MBTPS2: variants seen among roughly 807,000 people sequenced by gnomAD.
MBTPS2 encodes the protein membrane-bound transcription factor site-2 protease.
MBTPS2 carries 2 observed loss-of-function variants against 35.4 expected under a neutral mutation model. The observed-to-expected ratio is 0.06, with a 90% CI of 0.02 to 0.18. MBTPS2 has a LOEUF of 0.18. MBTPS2 is among the 10% of genes least tolerant of loss of function. The pLI, the probability that MBTPS2 is intolerant of heterozygous loss-of-function variation, is 1.00. For synonymous variants in MBTPS2, 125 were observed against 140.4 expected (o/e 0.89, Z 0.77); for missense variants, 244 against 386.5 (o/e 0.63, Z 3.09).
In MBTPS2 at chrX:21,869,486, C is replaced by T. The variant is rs1365141109; in HGVS notation, c.790-12C>T. The T allele has an allele frequency of 1.7e-6, 2 of 1,198,987 alleles. No homozygotes were observed. The highest frequency in any genetic ancestry group is 3.5e-5 in the African/African-American group (2 of 56,848). On this transcript the variant is annotated splice_polypyrimidine_tract_variant and intron_variant, in intron 6 of 10. Transcript: ENST00000379484. ...CATGCATTATCTGATTTGGTTTTAC[C>T]CTCTTCCCAAGGACTCTCCTGCCAT... is the stretch of plus-strand genomic sequence containing the variant.
intron 9 of MBTPS2, 53 bp downstream of exon 9, chrX:21,878,745 T>G: frequency 1.2e-6 from 1 of 820,074 alleles, no homozygotes; most frequent in Non-Finnish European, 1.9e-6. Context: ...ACATATAGTC[T>G]CAGTGGTAGA....
chrX:21,874,543 C>T (rs142598262), intron 7 of MBTPS2, among the ~76,000 whole-genome samples: 3,476 of 111,826 alleles, frequency 0.031, 141 homozygotes, highest in African/African-American at 0.11. Flanking sequence ...AATCTCTTCT[C>T]TCCAGCTTTA....
intron 3 of MBTPS2, among the ~76,000 whole-genome samples, chrX:21,847,286 C>T (rs1489831390): frequency 1.8e-5 from 2 of 111,915 alleles, no homozygotes; most frequent in Non-Finnish European, 3.8e-5. Context: ...TGCTTTGGAA[C>T]CATTAAGAAG....
chrX:21,851,627 C>T lies in MBTPS2; in HGVS notation c.542+15C>T, dbSNP rs759238207. On this transcript the variant is annotated intron_variant, in intron 4 of 10. Transcript: ENST00000379484. ...GCAGCTATTAGGTAATGATATTTAC[C>T]TTTTTCTTTGTACTACATGCAAAAA... 3 of 1,070,650 alleles carry T rather than the reference C, an allele frequency of 2.8e-6. No homozygotes were observed. Among genetic ancestry groups the T allele is most frequent in the South Asian group, 1.9e-5 (1 of 53,935 alleles). The allele number at this position is 1,070,650 out of a possible 1,213,427, so 88.2% of individuals were successfully genotyped here. A position where few individuals can be genotyped will look rare whatever the true frequency, so the allele number is the denominator to read the frequency against.
chrX:21,850,545 C>G (rs1449850321), intron 3 of MBTPS2, among the ~76,000 whole-genome samples: 1 of 110,857 alleles, frequency 9.0e-6, no homozygotes, highest in Non-Finnish European at 1.9e-5. Context: ...CTTTTAGTCC[C>G]AACTCCTGGA....
At position 21,878,714 on chromosome X, in the gene MBTPS2, C is replaced by A. The variant is rs368636887; in HGVS notation, c.1261+22C>A. ...ACAGGTGAGTATTTTTGTGGTAGACCCTTAGAAAATCATTAAGATCACATA... is the reference window on the plus strand; with the variant it reads ...ACAGGTGAGTATTTTTGTGGTAGACACTTAGAAAATCATTAAGATCACATA... On this transcript the variant is annotated intron_variant, in intron 9 of 10. Coordinates refer to ENST00000379484, the MANE Select transcript of MBTPS2 (RefSeq NM_015884.4). The A allele has an allele frequency of 6.1e-4, 656 of 1,081,794 alleles. 1 individual carries two copies. The highest frequency in any genetic ancestry group is 8.1e-4 in the Non-Finnish European group (631 of 779,097). The allele number at this position is 1,081,794 out of a possible 1,213,427, so 89.2% of individuals were successfully genotyped here. A position where few individuals can be genotyped will look rare whatever the true frequency, so the allele number is the denominator to read the frequency against.
intron 5 of MBTPS2, chrX:21,856,333 AGCTCGCG>A: frequency 2.0e-6 from 1 of 495,617 alleles, no homozygotes; most frequent in African/African-American, 2.4e-5. Flanking sequence ...CTTTCTCTGC[AGCTCGCG>A]CCTTTCTCTG....
chrX:21,851,644 A>T, intron 4 of MBTPS2, 32 bp downstream of exon 4: 4 of 951,754 alleles, frequency 4.2e-6, no homozygotes, highest in Non-Finnish European at 6.1e-6. Context: ...TTTGTACTAC[A>T]TGCAAAAAAA....
chrX:21,867,192 T>TA (rs2092941239), intron 5 of MBTPS2, among the ~76,000 whole-genome samples: 1 of 111,895 alleles, frequency 8.9e-6, no homozygotes, highest in African/African-American at 3.2e-5. Context: ...AGCTTTATTG[T>TA]CACTGGAATA....
At chrX:21,858,888 CAAAAAA>C (rs5901684) in intron 5 of MBTPS2, among the ~76,000 whole-genome samples, 1 of 61,911 alleles carries the variant, frequency 1.6e-5, no homozygotes, top group East Asian at 5.2e-4. Flanking sequence ...GACCTTGTGT[CAAAAAA>C]AAAAAAAAAA....
chrX:21,841,388 C>G (rs1480174339), intron 1 of MBTPS2, among the ~76,000 whole-genome samples: 1 of 111,291 alleles, frequency 9.0e-6, no homozygotes, highest in African/African-American at 3.3e-5. Context: ...TGCCACTGCA[C>G]TTTGGCCTGG....
intron 3 of MBTPS2, among the ~76,000 whole-genome samples, chrX:21,846,433 C>A (rs764140709): frequency 1.3e-4 from 15 of 111,929 alleles, no homozygotes; most frequent in Non-Finnish European, 2.6e-4. Context: ...TGCAATGGCG[C>A]GATCTCAGCT....
intron 3 of MBTPS2, among the ~76,000 whole-genome samples, chrX:21,849,068 A>C (rs2092911781): frequency 8.9e-6 from 1 of 111,762 alleles, no homozygotes; most frequent in Non-Finnish European, 1.9e-5. Flanking sequence ...AGCAAAATTA[A>C]GAAGGTACGG....
At chrX:21,868,136 G>C (rs1343701194) in intron 5 of MBTPS2, among the ~76,000 whole-genome samples, 1 of 111,361 alleles carries the variant, frequency 9.0e-6, no homozygotes, top group African/African-American at 3.3e-5. Flanking sequence ...TTCTTTCAAA[G>C]ATCACAAATA....
intron 7 of MBTPS2, chrX:21,871,595 C>T (rs2092947417): frequency 8.9e-6 from 1 of 111,924 alleles, no homozygotes; most frequent in South Asian, 3.7e-4. Context: ...ACACTAATTT[C>T]TGATATCTGG....
Position 21,882,742 on chromosome X carries a change from G to A in MBTPS2, c.*87G>A, listed in dbSNP as rs2092960788. 1.7e-6 allele frequency: 2 copies of A among 1,182,736 alleles called. No individual in the cohort carries two copies. The highest frequency in any genetic ancestry group is 6.0e-5 in the East Asian group (2 of 33,139). On this transcript the variant is annotated 3_prime_UTR_variant, in exon 11 of 11. Transcript: ENST00000379484. ...TGCCATTGAAATTCTTACTTGGTAT[G>A]AAATATAAAGTGTTTCCTTAAAATT...
chrX:21,857,667 G>A (rs775761916), intron 5 of MBTPS2: 72 of 1,042,536 alleles, frequency 6.9e-5, no homozygotes, highest in Non-Finnish European at 8.7e-5. Flanking sequence ...GAATAAATAT[G>A]CCTCTCAAAG....
At chrX:21,868,332 A>G (rs2092943085) in intron 5 of MBTPS2, 135 bp from the exon 6 acceptor site, 1 of 554,762 alleles carries the variant, frequency 1.8e-6, no homozygotes, top group African/African-American at 2.2e-5. Context: ...TCTACTAATA[A>G]GTAGATATTT....
intron 3 of MBTPS2, among the ~76,000 whole-genome samples, chrX:21,846,925 T>C (rs898280825): frequency 1.8e-5 from 2 of 111,679 alleles, no homozygotes; most frequent in Admixed American, 9.5e-5. Flanking sequence ...TTAAGAGCAG[T>C]AATTTATTTT....
Sources: gnomAD v4.1 joint callset for allele counts (sites outside exome capture counted in the v4.1 genomes callset) on GRCh38, gnomAD v4.1.1 for gene constraint, MANE v1.5 for transcripts, NCBI Gene and HGNC (gene_info 2026-07-23, HGNC 2026-07-21) for gene names.